EGFR: variants seen among roughly 807,000 people sequenced by gnomAD.
The protein encoded by EGFR is avian erythroblastic leukemia viral (v-erb-b) oncogene homolog.
EGFR carries 58 observed loss-of-function variants against 143.0 expected under a neutral mutation model. The observed-to-expected ratio is 0.41, with a 90% CI of 0.33 to 0.50. The LOEUF (loss-of-function observed/expected upper bound fraction) is 0.50, where lower values mean the gene tolerates loss of function less well. EGFR is among the 20% of genes least tolerant of loss of function. The pLI is 0.39. For synonymous variants in EGFR, 613 were observed against 594.4 expected (o/e 1.03, Z -0.45); for missense variants, 1,307 against 1,579.0 (o/e 0.83, Z 2.92).
intron 1 of EGFR, among the ~76,000 whole-genome samples, chr7:55,127,878 G>A (rs569308725): frequency 1.6e-4 from 25 of 152,258 alleles, no homozygotes; most frequent in African/African-American, 5.3e-4. Flanking sequence ...ACCAGGCCCC[G>A]CTCTCAGCCC....
intron 1 of EGFR, among the ~76,000 whole-genome samples, chr7:55,039,576 C>T (rs1238973965): frequency 6.6e-6 from 1 of 152,196 alleles, no homozygotes; most frequent in Non-Finnish European, 1.5e-5. Flanking sequence ...TGAGGGAGAG[C>T]TCCTCCATGG....
intron 1 of EGFR, among the ~76,000 whole-genome samples, chr7:55,074,963 A>T (rs890554974): frequency 6.6e-6 from 1 of 152,222 alleles, no homozygotes; most frequent in African/African-American, 2.4e-5. Flanking sequence ...AAACAATCAC[A>T]TTCATGGAAA....
At chr7:55,059,370 C>T (rs192492836) in intron 1 of EGFR, among the ~76,000 whole-genome samples, 1 of 152,176 alleles carries the variant, frequency 6.6e-6, no homozygotes, top group Non-Finnish European at 1.5e-5. Context: ...TCCAGCACGG[C>T]CCCTGTTTCT....
At chr7:55,093,170 G>C (rs1454825828) in intron 1 of EGFR, among the ~76,000 whole-genome samples, 10 of 152,194 alleles carry the variant, frequency 6.6e-5, no homozygotes, top group Non-Finnish European at 1.5e-5. Context: ...GGTCCGCTGG[G>C]TTCCTTCCAG....
rs104886012 is a variant in EGFR at position 55,191,793 on chromosome 7, G to A, written c.2544G>A (p.Pro848=). The A allele has an allele frequency of 3.9e-5, 63 of 1,614,072 alleles. No individual in the cohort carries two copies. Among genetic ancestry groups the A allele is most frequent in the Admixed American group, 3.0e-4 (18 of 60,020 alleles). ...CCAGGAACGTACTGGTGAAAACACCGCAGCATGTCAAGATCACAGATTTTG... is the reference window on the plus strand; with the variant it reads ...CCAGGAACGTACTGGTGAAAACACCACAGCATGTCAAGATCACAGATTTTG... ...LAARNVLVKT[P]QHVKITDFGL... is the part of the protein sequence containing the mutation. Residue 848 remains proline (P), a synonymous_variant, in exon 21 of 28, where the codon CCG becomes CCA. Coordinates refer to ENST00000275493, the MANE Select transcript of EGFR (RefSeq NM_005228.5).
intron 1 of EGFR, among the ~76,000 whole-genome samples, chr7:55,050,094 C>A (rs1788401620): frequency 6.6e-6 from 1 of 152,196 alleles, no homozygotes; most frequent in Non-Finnish European, 1.5e-5. Context: ...ATATACACAA[C>A]ATAAAATTTA....
At chr7:55,135,457 G>A (rs1794082787) in intron 1 of EGFR, among the ~76,000 whole-genome samples, 1 of 152,078 alleles carries the variant, frequency 6.6e-6, no homozygotes, top group African/African-American at 2.4e-5. Flanking sequence ...CAGTTTGACA[G>A]GTATCTTTGG....
At chr7:55,054,787 T>A (rs1788697080) in intron 1 of EGFR, among the ~76,000 whole-genome samples, 1 of 152,230 alleles carries the variant, frequency 6.6e-6, no homozygotes. Flanking sequence ...CCTTCTGGCA[T>A]GGCTGCTTCT....
intron 1 of EGFR, among the ~76,000 whole-genome samples, chr7:55,032,239 T>C (rs1371944552): frequency 6.6e-6 from 1 of 152,198 alleles, no homozygotes; most frequent in East Asian, 1.9e-4. Context: ...ACCCAGTGAT[T>C]TTGAAATGTA....
chr7:55,182,872 G>A (rs997734260), intron 20 of EGFR, among the ~76,000 whole-genome samples: 1 of 152,210 alleles, frequency 6.6e-6, no homozygotes, highest in Admixed American at 6.5e-5. Context: ...AGAGGGTCTT[G>A]TGTGCCTCGG....
Position 55,057,009 on chromosome 7 carries a change from G to A in EGFR, c.88+37644G>A, listed in dbSNP as rs185559071. Among the ~76,000 whole-genome samples, 1,081 of 152,304 alleles carry A rather than the reference G, an allele frequency of 7.1e-3. 9 individuals carry two copies. The highest frequency in any genetic ancestry group is 0.034 in the Middle Eastern group (10 of 294). ...CAGAGAGTCAGAATCCCCGCAGAGTGGTTGAAGGCACAAGGATGCGCAGCA... is the reference window on the plus strand; with the variant it reads ...CAGAGAGTCAGAATCCCCGCAGAGTAGTTGAAGGCACAAGGATGCGCAGCA... On this transcript the variant is annotated intron_variant, in intron 1 of 27. Coordinates refer to ENST00000275493, the MANE Select transcript of EGFR (RefSeq NM_005228.5).
intron 4 of EGFR, 150 bp downstream of exon 4, chr7:55,146,890 T>G: frequency 2.4e-6 from 3 of 1,247,036 alleles, no homozygotes; most frequent in Non-Finnish European, 3.4e-6. Flanking sequence ...TAGAAAAGCA[T>G]GTATTTACCA....
intron 27 of EGFR, among the ~76,000 whole-genome samples, chr7:55,203,254 A>G (rs916432251): frequency 2.0e-5 from 3 of 149,556 alleles, no homozygotes; most frequent in Admixed American, 2.0e-4. Flanking sequence ...ATGTATACAC[A>G]CATACACACA....
At position 55,201,571 on chromosome 7, in the gene EGFR, T is replaced by G. The variant is rs17337493; in HGVS notation, c.3115-164T>G. On this transcript the variant is annotated intron_variant, in intron 25 of 27. Transcript: ENST00000275493. ...AGCCTTTTAGGTCCACTATGGAATGTAATTAAATCAAAACTAAACCTAGTT... is the reference window on the plus strand; with the variant it reads ...AGCCTTTTAGGTCCACTATGGAATGGAATTAAATCAAAACTAAACCTAGTT... 0.042 allele frequency among the ~76,000 whole-genome samples: 6,420 copies of G among 152,282 alleles called. 448 individuals are homozygous for G. The highest frequency in any genetic ancestry group is 0.15 in the African/African-American group (6,031 of 41,518).
intron 1 of EGFR, among the ~76,000 whole-genome samples, chr7:55,049,145 T>C (rs1439052210): frequency 1.3e-5 from 2 of 152,234 alleles, no homozygotes; most frequent in Non-Finnish European, 2.9e-5. Flanking sequence ...GGATTTTTTA[T>C]ACTCAAATTA....
At chr7:55,152,809 A>G in intron 6 of EGFR, 145 bp downstream of exon 6, 1 of 658,892 alleles carries the variant, frequency 1.5e-6, no homozygotes, top group Non-Finnish European at 2.6e-6. Context: ...CTGGTGACAA[A>G]GTATCTTTAG....
intron 1 of EGFR, among the ~76,000 whole-genome samples, chr7:55,096,789 G>T (rs1791497757): frequency 6.6e-6 from 1 of 152,160 alleles, no homozygotes; most frequent in African/African-American, 2.4e-5. Flanking sequence ...GCTTGCAGGG[G>T]CGCAGGCGCA....
chr7:55,038,480 CT>C (rs1787725044), intron 1 of EGFR, among the ~76,000 whole-genome samples: 1 of 152,198 alleles, frequency 6.6e-6, no homozygotes, highest in Non-Finnish European at 1.5e-5. Flanking sequence ...CATTGAGCAC[CT>C]ACTGTGTGCT....
intron 15 of EGFR, among the ~76,000 whole-genome samples, chr7:55,168,303 A>C (rs543776482): frequency 3.9e-5 from 6 of 152,350 alleles, no homozygotes; most frequent in African/African-American, 1.4e-4. Context: ...GATGTGCATC[A>C]GTATCTCTGC....
Sources: gnomAD v4.1 joint callset for allele counts (sites outside exome capture counted in the v4.1 genomes callset) on GRCh38, gnomAD v4.1.1 for gene constraint, MANE v1.5 for transcripts, NCBI Gene and HGNC (gene_info 2026-07-23, HGNC 2026-07-21) for gene names.